FAAH: variants seen among roughly 807,000 people sequenced by gnomAD.
FAAH encodes fatty-acid amide hydrolase 1.
FAAH carries 63 observed loss-of-function variants against 69.7 expected under a neutral mutation model. The observed-to-expected ratio is 0.90, with a 90% CI of 0.74 to 1.12. FAAH has a LOEUF of 1.12. FAAH is among the 50% of genes most tolerant of loss of function. The pLI is 0.00. For missense variants in FAAH, 680 were observed against 755.0 expected, an observed-to-expected ratio of 0.90 and a Z score of 1.16; for synonymous variants, 305 against 324.2, an observed-to-expected ratio of 0.94 and a Z score of 0.64.
chr1:46,408,668 G>T (rs1376908549), intron 8 of FAAH, 84 bp downstream of exon 8: 23 of 1,597,446 alleles, frequency 1.4e-5, no homozygotes, highest in Non-Finnish European at 1.9e-5. Flanking sequence ...TCCATCCCTG[G>T]CATCCTGGCA....
chr1:46,403,979 G>T (rs1012332905), intron 2 of FAAH, among the ~76,000 whole-genome samples: 1 of 152,226 alleles, frequency 6.6e-6, no homozygotes, highest in Non-Finnish European at 1.5e-5. Flanking sequence ...TTTGAGTGTG[G>T]CCTGCATGAT....
intron 1 of FAAH, among the ~76,000 whole-genome samples, chr1:46,400,423 A>G (rs1664677960): frequency 6.7e-6 from 1 of 150,118 alleles, no homozygotes. Flanking sequence ...CGTGTGACCT[A>G]GGAGACAAGG....
At chr1:46,407,215 C>T (rs1482747436) in intron 7 of FAAH, among the ~76,000 whole-genome samples, 5 of 152,082 alleles carry the variant, frequency 3.3e-5, no homozygotes, top group Admixed American at 3.3e-4. Context: ...CACTGTCTTG[C>T]AAAGCCTTAG....
chr1:46,410,421 G>A lies in FAAH; in HGVS notation c.1199G>A (p.Cys400Tyr), dbSNP rs1305558155. Residue 400 changes from cysteine (C) to tyrosine (Y), a missense_variant, in exon 10 of 15, where the codon TGC becomes TAC. Physicochemically the swap from Cys to Tyr is radical, Grantham distance 194 (BLOSUM62 -2). Transcript: ENST00000243167. This position sits in a 1 kb window ranked among gnomAD's most constrained non-coding sequence, Gnocchi z 4.9. Reference sequence around the variant, plus strand: ...AGCAAAGGTGATTTCGTGGACCCCTGCCTGGGGGACCTGGTCTCAATTCTG... The same window carrying A: ...AGCAAAGGTGATTTCGTGGACCCCTACCTGGGGGACCTGGTCTCAATTCTG... The part of the protein sequence containing the change: ...QNFKGDFVDP[C>Y]LGDLVSILKL... 6.2e-7 allele frequency: 1 copy of A among 1,614,170 alleles called. No homozygotes were observed. The highest frequency in any genetic ancestry group is 8.5e-7 in the Non-Finnish European group (1 of 1,180,020).
In FAAH at chr1:46,413,353, A is replaced by G. The variant is rs45459496; in HGVS notation, c.1612-94A>G. On this transcript the variant is annotated intron_variant, in intron 14 of 14. Coordinates refer to ENST00000243167, the MANE Select transcript of FAAH (RefSeq NM_001441.3). ...ACCTGAAGGACTATGGCCTGGCCCTACGTTGTGGCCTCTCTCTAGCTGGGT... is the reference window on the plus strand; with the variant it reads ...ACCTGAAGGACTATGGCCTGGCCCTGCGTTGTGGCCTCTCTCTAGCTGGGT... 6.8e-5 allele frequency: 109 copies of G among 1,610,156 alleles called. No individual in the cohort carries two copies. The African/African-American group carries it at 1.1e-3, about 16-fold the overall frequency.
In FAAH at chr1:46,410,430, A is replaced by T; in HGVS notation, c.1208A>T (p.Asp403Val). The T allele has an allele frequency of 1.2e-6, 2 of 1,613,744 alleles. No homozygotes were observed. The highest frequency in any genetic ancestry group is 8.5e-7 in the Non-Finnish European group (1 of 1,179,922). ...GATTTCGTGGACCCCTGCCTGGGGG[A>T]CCTGGTCTCAATTCTGAAGCTTCCC... is the stretch of plus-strand genomic sequence containing the variant. ...KGDFVDPCLG[D>V]LVSILKLPQW... Residue 403 changes from aspartate to valine, a missense_variant, in exon 10 of 15, where the codon GAC becomes GTC. Physicochemically the swap from Asp to Val is radical, Grantham distance 152. Coordinates refer to ENST00000243167, the MANE Select transcript of FAAH (RefSeq NM_001441.3). The surrounding 1 kb of genome is among the most constrained non-coding windows in gnomAD (Gnocchi z 4.9).
At position 46,410,983 on chromosome 1, in the gene FAAH, G is replaced by A; in HGVS notation, c.1316+129G>A. 8.7e-7 allele frequency: 1 copy of A among 1,146,204 alleles called. No individual in the cohort carries two copies. The highest frequency in any genetic ancestry group is 1.3e-5 in the South Asian group (1 of 78,718). 71.0% of individuals were successfully genotyped at this position (1,146,204 alleles called of 1,614,324 possible). ...AGGCTGGAAGTGGCCCAGGCAGGGG[G>A]GCAACCTTTGTGGCCTTCAGATGGG... On this transcript the variant is annotated intron_variant, in intron 11 of 14. Transcript: ENST00000243167. The surrounding 1 kb of genome is among the most constrained non-coding windows in gnomAD (Gnocchi z 4.9).
intron 1 of FAAH, 107 bp from the exon 2 acceptor site, chr1:46,401,984 C>T: frequency 1.1e-6 from 1 of 939,232 alleles, no homozygotes. Context: ...CAAGGGCCTG[C>T]CCAGGCTGGG....
chr1:46,397,275 G>A (rs543840914), intron 1 of FAAH, among the ~76,000 whole-genome samples: 1 of 152,328 alleles, frequency 6.6e-6, no homozygotes, highest in South Asian at 2.1e-4. Flanking sequence ...GGCTGGCAGG[G>A]GTGTGGGATG....
rs1304948248 is a variant in FAAH, at chr1:46,405,361, C to T, written c.445-11C>T. The T allele has an allele frequency of 1.9e-6, 3 of 1,609,010 alleles. No homozygotes were observed. Among genetic ancestry groups the T allele is most frequent in the Non-Finnish European group, 2.5e-6 (3 of 1,179,968 alleles). On this transcript the variant is annotated splice_polypyrimidine_tract_variant and intron_variant, in intron 3 of 14. Coordinates refer to ENST00000243167, the MANE Select transcript of FAAH (RefSeq NM_001441.3). This position sits in a 1 kb window ranked among gnomAD's most constrained non-coding sequence, Gnocchi z 4.1. ...GACTCACTCCCTTCTGGTGCCCATC[C>T]CTCCTCCCAGGGCCAGGACTCCACG...
chr1:46,405,802 G>A lies in FAAH; in HGVS notation c.785+8G>A. On this transcript the variant is annotated splice_region_variant and intron_variant, in intron 5 of 14. Transcript: ENST00000243167. This position sits in a 1 kb window ranked among gnomAD's most constrained non-coding sequence, Gnocchi z 4.1. ...CACAGGGAACCGCCTCAGGTAAGGT[G>A]GGTGGAGGGCGCTTCTGGGCCCCTC... 1.2e-6 allele frequency: 2 copies of A among 1,613,166 alleles called. No individual in the cohort carries two copies. The highest frequency in any genetic ancestry group is 1.7e-6 in the Non-Finnish European group (2 of 1,179,950).
intron 7 of FAAH, among the ~76,000 whole-genome samples, chr1:46,408,191 T>TAGAC (rs1664834788): frequency 6.6e-6 from 1 of 152,096 alleles, no homozygotes; most frequent in African/African-American, 2.4e-5. Flanking sequence ...TTGGGTAGCT[T>TAGAC]TGGGCAAGTC....
chr1:46,408,755 GTGAGTGAT>G (rs1664847288), intron 8 of FAAH, among the ~76,000 whole-genome samples, 171 bp downstream of exon 8: 1 of 152,226 alleles, frequency 6.6e-6, no homozygotes, highest in South Asian at 2.1e-4. Context: ...GAGTATTGGA[GTGAGTGAT>G]TGATGGAGAA....
intron 9 of FAAH, 192 bp downstream of exon 9, chr1:46,409,390 C>T: frequency 3.2e-6 from 2 of 619,806 alleles, no homozygotes; most frequent in Non-Finnish European, 6.0e-6. Flanking sequence ...GGGTGCCAGC[C>T]CGAGGGGAGG....
Position 46,413,514 on chromosome 1 carries a change from T to A in FAAH, c.1679T>A (p.Leu560Ter). The change falls in exon 15 of 15, where the codon TTG becomes TAG. Residue 560 changes from leucine (L) to a stop codon, truncating the protein, a stop_gained. Transcript: ENST00000243167. LOFTEE classifies it high-confidence loss of function. Reference protein sequence around the residue: ...QCVALPWQEELCLRFMREVER... With the variant: ...QCVALPWQEE Reference sequence around the variant, plus strand: ...GTGGCTCTGCCCTGGCAAGAAGAGTTGTGTCTGCGGTTCATGCGGGAGGTG... The same window carrying A: ...GTGGCTCTGCCCTGGCAAGAAGAGTAGTGTCTGCGGTTCATGCGGGAGGTG... 6.2e-7 allele frequency: 1 copy of A among 1,614,070 alleles called. No homozygotes were observed. Among genetic ancestry groups the A allele is most frequent in the Non-Finnish European group, 8.5e-7 (1 of 1,179,980 alleles).
At position 46,413,497 on chromosome 1, in the gene FAAH, G is replaced by T; in HGVS notation, c.1662G>T (p.Leu554=). ...GLPVAVQCVA[L]PWQEELCLRF... ...CGGTGGCCGTGCAGTGTGTGGCTCTGCCCTGGCAAGAAGAGTTGTGTCTGC... is the reference window on the plus strand; with the variant it reads ...CGGTGGCCGTGCAGTGTGTGGCTCTTCCCTGGCAAGAAGAGTTGTGTCTGC... The change falls in exon 15 of 15, where the codon CTG becomes CTT. Residue 554 remains leucine (L), a synonymous_variant. Transcript: ENST00000243167. The T allele has an allele frequency of 1.2e-6, 2 of 1,614,132 alleles. No homozygotes were observed. The highest frequency in any genetic ancestry group is 1.7e-6 in the Non-Finnish European group (2 of 1,180,006).
chr1:46,405,385 C>CA lies in FAAH; in HGVS notation c.458_459insA (p.Leu154AlafsTer7). 6.2e-7 allele frequency: 1 copy of CA among 1,611,412 alleles called. No homozygotes were observed. The highest frequency in any genetic ancestry group is 8.5e-7 in the Non-Finnish European group (1 of 1,180,014). On this transcript the variant is annotated frameshift_variant, in exon 4 of 15. Transcript: ENST00000243167. LOFTEE classifies it high-confidence loss of function. This position sits in a 1 kb window ranked among gnomAD's most constrained non-coding sequence, Gnocchi z 4.1. ...CCCTCCTCCCAGGGCCAGGACTCCA[C>CA]GCTGGGCTTGAGCCTGAATGAAGGG...
rs1000401890 is a variant in FAAH, at chr1:46,412,971, T to C, written c.1466-104T>C. 7.2e-6 allele frequency: 10 copies of C among 1,395,406 alleles called. No individual in the cohort carries two copies. The African/African-American group carries it at 1.4e-4, about 20-fold the overall frequency. The allele number at this position is 1,395,406 out of a possible 1,614,324, so 86.4% of individuals were successfully genotyped here. A position where few individuals can be genotyped will look rare whatever the true frequency, so the allele number is the denominator to read the frequency against. ...TCAGTCCTGGGAGAGAGCCTTTCTC[T>C]GGCTGTAGACACAGGGTGCCATTTC... On this transcript the variant is annotated intron_variant, in intron 13 of 14. Coordinates refer to ENST00000243167, the MANE Select transcript of FAAH (RefSeq NM_001441.3).
intron 1 of FAAH, among the ~76,000 whole-genome samples, chr1:46,395,858 G>T (rs1664588051): frequency 6.6e-6 from 1 of 152,236 alleles, no homozygotes; most frequent in Non-Finnish European, 1.5e-5. Context: ...GTGTAGCCCT[G>T]CATGTTGAAG....
Sources: allele counts gnomAD v4.1 joint callset (sites outside exome capture counted in the v4.1 genomes callset), GRCh38; gene constraint gnomAD v4.1.1; non-coding constraint Gnocchi (gnomAD v3.1); transcripts MANE v1.5; gene names NCBI Gene and HGNC (gene_info 2026-07-23, HGNC 2026-07-21).